Variants in DNAAF4 observed in about 807,000 individuals in gnomAD.
DNAAF4 encodes the protein dynein assembly factor 4, axonemal.
A neutral mutation model predicts 51.8 loss-of-function variants in DNAAF4; 43 were observed. The ratio of observed to expected loss-of-function variants is 0.83; its 90% CI spans 0.65 to 1.07. DNAAF4 has a LOEUF of 1.07. DNAAF4 is among the 50% of genes least tolerant of loss of function. The pLI is 0.00. For missense variants in DNAAF4, 581 were observed against 493.0 expected (o/e 1.18, Z -1.69); for synonymous variants, 194 against 165.6 (o/e 1.17, Z -1.32).
intron 8 of DNAAF4, among the ~76,000 whole-genome samples, chr15:55,433,237 T>A (rs113929371): frequency 0.05 from 7,664 of 151,796 alleles, 662 homozygotes; most frequent in African/African-American, 0.18. Context: ...GAGGCAGGGG[T>A]TGCAATAAGC....
Position 55,450,319 on chromosome 15 carries a change from A to G in DNAAF4, c.686T>C (p.Ile229Thr). The G allele has an allele frequency of 6.2e-7, 1 of 1,613,982 alleles. No individual in the cohort carries two copies. Among genetic ancestry groups the G allele is most frequent in the South Asian group, 1.1e-5 (1 of 90,988 alleles). The change falls in exon 6 of 10, where the codon ATT becomes ACT. Residue 229 changes from isoleucine to threonine, a missense_variant. By Grantham distance (89) the Ile-to-Thr change is moderately conservative. Coordinates refer to ENST00000321149, the MANE Select transcript of DNAAF4 (RefSeq NM_130810.4). ...ACTGCCAACAGAGCGAGGAGCAGGA[A>G]TACTGTCTTCCTTTAACTTCTCAGT... Reference protein sequence around the residue: ...IFTEKLKEDSIPAPRSVGSIK... With the variant: ...IFTEKLKEDSTPAPRSVGSIK...
In DNAAF4 at chr15:55,498,352, A is replaced by C. The variant is rs1595960605; in HGVS notation, c.-23T>G. On this transcript the variant is annotated 5_prime_UTR_variant, in exon 2 of 10. Coordinates refer to ENST00000321149, the MANE Select transcript of DNAAF4 (RefSeq NM_130810.4). ...CATTCCGGTAGCAACGGGAGCGGAT[A>C]GCGCGGCTGGTTGCTTCTTGCGCCT... 1 of 1,592,420 alleles carries C rather than the reference A, an allele frequency of 6.3e-7. No homozygotes were observed. The highest frequency in any genetic ancestry group is 2.3e-5 in the East Asian group (1 of 43,848).
chr15:55,427,784 C>T (rs554739613), downstream of DNAAF4, among the ~76,000 whole-genome samples: 3 of 151,700 alleles, frequency 2.0e-5, no homozygotes, highest in African/African-American at 7.3e-5. Context: ...TACAGGAAAG[C>T]GCCACCAGGT....
chr15:55,438,983 C>T (rs687623), intron 7 of DNAAF4, among the ~76,000 whole-genome samples: 83,112 of 151,962 alleles, frequency 0.55, 24,190 homozygotes, highest in East Asian at 0.92. Context: ...AAAATTAGAG[C>T]CTCATTGCCT....
intron 4 of DNAAF4, among the ~76,000 whole-genome samples, chr15:55,475,591 C>G (rs936407374): frequency 3.9e-5 from 6 of 152,196 alleles, no homozygotes; most frequent in African/African-American, 1.4e-4. Context: ...AGCATCCTTA[C>G]TCCAAAAATC....
intron 5 of DNAAF4, among the ~76,000 whole-genome samples, chr15:55,459,735 C>A (rs1392351271): frequency 4.0e-5 from 6 of 151,258 alleles, no homozygotes; most frequent in African/African-American, 1.5e-4. Context: ...ACAGAGTCTC[C>A]TTCTGTTGCC....
At chr15:55,441,637 C>A (rs893184116) in intron 6 of DNAAF4, among the ~76,000 whole-genome samples, 8 of 148,966 alleles carry the variant, frequency 5.4e-5, no homozygotes, top group African/African-American at 1.5e-4. Context: ...TTGTTCAATT[C>A]CCACCTATGA....
rs1422209371 is a variant in DNAAF4, at chr15:55,433,870, AT to A, written c.1047+1034del. 1.2e-3 allele frequency among the ~76,000 whole-genome samples: 57 copies of A among 45,602 alleles called. 1 individual carries two copies. Among genetic ancestry groups the A allele is most frequent in the Non-Finnish European group, 2.1e-3 (53 of 25,166 alleles). 29.9% of individuals were successfully genotyped at this position (45,602 alleles called of 152,430 possible). ...TTATATATATTATAATATATATTAT[AT>A]ATATTACATATATTATATATATATT... On this transcript the variant is annotated intron_variant, in intron 8 of 9. Coordinates refer to ENST00000321149, the MANE Select transcript of DNAAF4 (RefSeq NM_130810.4).
intron 5 of DNAAF4, among the ~76,000 whole-genome samples, chr15:55,464,695 T>C (rs1490688071): frequency 2.6e-5 from 4 of 152,104 alleles, no homozygotes; most frequent in African/African-American, 4.8e-5. Context: ...CCGCCAGGTG[T>C]GGTGGCTCAT....
At chr15:55,473,908 C>T (rs952935763) in intron 4 of DNAAF4, among the ~76,000 whole-genome samples, 10 of 152,072 alleles carry the variant, frequency 6.6e-5, no homozygotes, top group African/African-American at 1.9e-4. Context: ...AGGAGAATCT[C>T]TTGAACCTGG....
At chr15:55,438,356 A>T (rs2057651726) in intron 7 of DNAAF4, among the ~76,000 whole-genome samples, 1 of 151,962 alleles carries the variant, frequency 6.6e-6, no homozygotes, top group African/African-American at 2.4e-5. Context: ...TGTCTCAAAA[A>T]AAAAAAAAAA....
At chr15:55,480,391 A>G (rs891794411) in intron 4 of DNAAF4, among the ~76,000 whole-genome samples, 1 of 152,154 alleles carries the variant, frequency 6.6e-6, no homozygotes, top group Non-Finnish European at 1.5e-5. Flanking sequence ...CAGGGACCTT[A>G]ACCACTTGGG....
At chr15:55,504,795 TA>T (rs2058717864) in intron 1 of DNAAF4, among the ~76,000 whole-genome samples, 1 of 152,190 alleles carries the variant, frequency 6.6e-6, no homozygotes, top group Admixed American at 6.5e-5. Context: ...GACTTAAATG[TA>T]AGACCTAAAA....
Position 55,489,674 on chromosome 15 carries a change from C to CAAA in DNAAF4, c.405+1446_405+1448dup, listed in dbSNP as rs756823133. ...TGGGCAACAGAGCCAGACACCATTTCAAAAAAAAAAAAAAAAAAAGTTAAG... is the reference window on the plus strand; with the variant it reads ...TGGGCAACAGAGCCAGACACCATTTCAAAAAAAAAAAAAAAAAAAAAAGTTAAG... On this transcript the variant is annotated intron_variant, in intron 4 of 9. Coordinates refer to ENST00000321149, the MANE Select transcript of DNAAF4 (RefSeq NM_130810.4). Among the ~76,000 whole-genome samples, 226 of 80,784 alleles carry CAAA rather than the reference C, an allele frequency of 2.8e-3. 3 individuals are homozygous for CAAA. Among genetic ancestry groups the CAAA allele is most frequent in the Non-Finnish European group, 4.1e-3 (155 of 37,368 alleles). 53.0% of individuals were successfully genotyped at this position (80,784 alleles called of 152,430 possible). A position where few individuals can be genotyped will look rare whatever the true frequency, so the allele number is the denominator to read the frequency against.
intron 7 of DNAAF4, among the ~76,000 whole-genome samples, chr15:55,424,644 CCT>C (rs2057414879): frequency 6.6e-6 from 1 of 152,204 alleles, no homozygotes; most frequent in Non-Finnish European, 1.5e-5. Context: ...CTCACTGCAA[CCT>C]CTGTCTCCCA....
chr15:55,426,987 T>C (rs998041073), downstream of DNAAF4, among the ~76,000 whole-genome samples: 1 of 152,192 alleles, frequency 6.6e-6, no homozygotes, highest in Non-Finnish European at 1.5e-5. Flanking sequence ...GCCAATTTAT[T>C]AAGACACGGA....
At chr15:55,473,779 T>A (rs1170711289) in intron 4 of DNAAF4, among the ~76,000 whole-genome samples, 1 of 151,920 alleles carries the variant, frequency 6.6e-6, no homozygotes, top group East Asian at 1.9e-4. Context: ...TCACCTGAGG[T>A]CAGGAGTTCG....
In DNAAF4 at chr15:55,500,682, T is replaced by A. The variant is rs573664861; in HGVS notation, c.-255-2098A>T. On this transcript the variant is annotated intron_variant, in intron 1 of 9. Transcript: ENST00000321149. Reference sequence around the variant, plus strand: ...TCCTACTAAACTTTTAGACTCTGAATGAATTATACCTTAAAAACTTGTCAA... The same window carrying A: ...TCCTACTAAACTTTTAGACTCTGAAAGAATTATACCTTAAAAACTTGTCAA... 1.9e-4 allele frequency among the ~76,000 whole-genome samples: 29 copies of A among 152,280 alleles called. 1 individual carries two copies. Among genetic ancestry groups the A allele is most frequent in the South Asian group, 1.2e-3 (6 of 4,820 alleles).
At chr15:55,496,167 G>T (rs897198839) in intron 3 of DNAAF4, among the ~76,000 whole-genome samples, 1 of 152,124 alleles carries the variant, frequency 6.6e-6, no homozygotes, top group African/African-American at 2.4e-5. Context: ...GGAGGCGGAG[G>T]TTGCAGTGAG....
Sources: allele counts gnomAD v4.1 joint callset (sites outside exome capture counted in the v4.1 genomes callset), GRCh38; gene constraint gnomAD v4.1.1; transcripts MANE v1.5; gene names NCBI Gene and HGNC (gene_info 2026-07-23, HGNC 2026-07-21).